The following CCSER2 variants were observed in gnomAD, a reference collection of about 807,000 sequenced individuals.
CCSER2 encodes serine-rich coiled-coil domain-containing protein 2.
A neutral mutation model predicts 92.3 loss-of-function variants in CCSER2; 46 were observed. The observed-to-expected ratio is 0.50, with a 90% CI of 0.39 to 0.64. The LOEUF is 0.64. Ranked by LOEUF, CCSER2 falls within the 30% of genes least tolerant of loss-of-function variation. The pLI, the probability that CCSER2 is intolerant of heterozygous loss-of-function variation, is 0.00. For synonymous variants in CCSER2, 433 were observed against 431.4 expected (o/e 1.00, Z -0.04); for missense variants, 1,244 against 1,238.9 (o/e 1.00, Z -0.06).
chr10:84,366,532 A>G (rs1845784438), intron 1 of CCSER2, among the ~76,000 whole-genome samples: 1 of 152,184 alleles, frequency 6.6e-6, no homozygotes, highest in Non-Finnish European at 1.5e-5. Context: ...TGTGAAGAGA[A>G]TAGAGAATGA....
At chr10:84,329,056 C>G (rs1432004553) in intron 1 of CCSER2, among the ~76,000 whole-genome samples, 1 of 151,880 alleles carries the variant, frequency 6.6e-6, no homozygotes, top group South Asian at 2.1e-4. Flanking sequence ...CGCGGGGCCT[C>G]GGGCCGCGGG....
Position 84,373,725 on chromosome 10 carries a change from T to C in CCSER2, c.1524T>C (p.Asp508=). 3 of 1,613,790 alleles carry C rather than the reference T, an allele frequency of 1.9e-6. No homozygotes were observed. Among genetic ancestry groups the C allele is most frequent in the African/African-American group, 2.7e-5 (2 of 75,016 alleles). ...AACTCTCTCCATCTGATAGCTCTGA[T>C]GGAACATACATGTGGGATGAAGAAG... is the stretch of plus-strand genomic sequence containing the variant. ...SFELSPSDSS[D]GTYMWDEEGL... Residue 508 remains aspartate (D), a synonymous_variant, in exon 3 of 10, where the codon GAT becomes GAC. Coordinates refer to ENST00000372088, the MANE Select transcript of CCSER2 (RefSeq NM_001284240.2).
At chr10:84,467,165 C>A (rs1846495224) in intron 7 of CCSER2, among the ~76,000 whole-genome samples, 1 of 152,124 alleles carries the variant, frequency 6.6e-6, no homozygotes. Flanking sequence ...TTGACATGAC[C>A]TTTGTTTTAA....
At chr10:84,392,996 T>C (rs1431317770) in intron 3 of CCSER2, among the ~76,000 whole-genome samples, 2 of 152,146 alleles carry the variant, frequency 1.3e-5, no homozygotes, top group African/African-American at 2.4e-5. Flanking sequence ...TTGCATCACA[T>C]AGAGTGAGAC....
At chr10:84,378,439 T>G (rs1589487441) in intron 3 of CCSER2, among the ~76,000 whole-genome samples, 1 of 147,632 alleles carries the variant, frequency 6.8e-6, no homozygotes, top group South Asian at 2.1e-4. Flanking sequence ...TAAATTTTTT[T>G]TTTTTTTTTT....
At chr10:84,376,509 C>CATTAAT (rs1846345690) in intron 3 of CCSER2, among the ~76,000 whole-genome samples, 1 of 152,002 alleles carries the variant, frequency 6.6e-6, no homozygotes, top group Non-Finnish European at 1.5e-5. Context: ...AGCTTCTTTT[C>CATTAAT]ATTAATATTA....
intron 9 of CCSER2, among the ~76,000 whole-genome samples, chr10:84,498,245 T>C (rs532463089): frequency 1.1e-4 from 16 of 152,358 alleles, no homozygotes; most frequent in Non-Finnish European, 2.1e-4. Context: ...AGTATAAATA[T>C]AGCCTTTGAA....
chr10:84,517,960 T>G lies in CCSER2; in HGVS notation c.*3693T>G, dbSNP rs1849651462. On this transcript the variant is annotated 3_prime_UTR_variant, in exon 10 of 10. Coordinates refer to ENST00000372088, the MANE Select transcript of CCSER2 (RefSeq NM_001284240.2). ...GCTGCAGCACCATTTCAATTTACTT[T>G]CCATCTTACCCAGTAGTTTTTGTGT... is the stretch of plus-strand genomic sequence containing the variant. The G allele has an allele frequency of 6.6e-6, 1 of 152,288 alleles. No individual in the cohort carries two copies. The highest frequency in any genetic ancestry group is 1.9e-4 in the East Asian group (1 of 5,204). The allele number at this position is 152,288 out of a possible 1,614,324, so 9.4% of individuals were successfully genotyped here.
At chr10:84,483,039 A>G (rs1185303173) in intron 9 of CCSER2, among the ~76,000 whole-genome samples, 1 of 152,236 alleles carries the variant, frequency 6.6e-6, no homozygotes, top group Non-Finnish European at 1.5e-5. Context: ...ATGTTACGGT[A>G]TATATAAAAG....
At chr10:84,438,757 G>T in intron 6 of CCSER2, 50 bp downstream of exon 6, 4 of 1,164,702 alleles carry the variant, frequency 3.4e-6, no homozygotes, top group Non-Finnish European at 3.6e-6. Flanking sequence ...ATTGCAAAAT[G>T]GATTGACTTT....
intron 1 of CCSER2, among the ~76,000 whole-genome samples, chr10:84,330,336 G>C (rs1843492807): frequency 6.6e-6 from 1 of 152,146 alleles, no homozygotes; most frequent in African/African-American, 2.4e-5. Context: ...GTTCTTTGTT[G>C]AGAATTCTCT....
intron 1 of CCSER2, among the ~76,000 whole-genome samples, chr10:84,362,493 G>T (rs1218566383): frequency 6.6e-6 from 1 of 152,116 alleles, no homozygotes; most frequent in Non-Finnish European, 1.5e-5. Context: ...GGAACTTCTG[G>T]TTCCTCTTGT....
At chr10:84,423,910 G>A (rs959554908) in intron 4 of CCSER2, among the ~76,000 whole-genome samples, 2 of 150,188 alleles carry the variant, frequency 1.3e-5, no homozygotes, top group South Asian at 2.1e-4. Context: ...ACTTTGGGAA[G>A]CTGAGGTGGA....
At chr10:84,485,221 T>G (rs757292929) in intron 9 of CCSER2, among the ~76,000 whole-genome samples, 19 of 152,228 alleles carry the variant, frequency 1.2e-4, no homozygotes, top group Non-Finnish European at 2.1e-4. Context: ...AGTGATGGTG[T>G]GTGTGCACGC....
chr10:84,366,807 A>T (rs1313570804), intron 1 of CCSER2, among the ~76,000 whole-genome samples: 1 of 152,194 alleles, frequency 6.6e-6, no homozygotes, highest in Non-Finnish European at 1.5e-5. Flanking sequence ...CAGTAGAATG[A>T]CGTGATCCAG....
intron 3 of CCSER2, among the ~76,000 whole-genome samples, chr10:84,396,856 T>C (rs1841870556): frequency 6.6e-6 from 1 of 152,176 alleles, no homozygotes; most frequent in Non-Finnish European, 1.5e-5. Context: ...CTTATTCTTT[T>C]TGTACCGCTG....
intron 9 of CCSER2, among the ~76,000 whole-genome samples, chr10:84,482,098 A>G (rs1370216533): frequency 6.6e-6 from 1 of 152,182 alleles, no homozygotes; most frequent in Non-Finnish European, 1.5e-5. Flanking sequence ...AACAATAAGT[A>G]AAGGGCAAGT....
At chr10:84,398,174 A>G (rs1227484120) in intron 3 of CCSER2, among the ~76,000 whole-genome samples, 1 of 152,142 alleles carries the variant, frequency 6.6e-6, no homozygotes, top group East Asian at 1.9e-4. Context: ...TCCACCTTCT[A>G]AAAACTGCCT....
intron 1 of CCSER2, among the ~76,000 whole-genome samples, chr10:84,338,367 A>G (rs1246737405): frequency 6.6e-6 from 1 of 151,916 alleles, no homozygotes; most frequent in Admixed American, 6.6e-5. Context: ...AAGGAAAAGC[A>G]GCTTCTTTTG....
Sources: gnomAD v4.1 joint callset for allele counts (sites outside exome capture counted in the v4.1 genomes callset) on GRCh38, gnomAD v4.1.1 for gene constraint, MANE v1.5 for transcripts, NCBI Gene and HGNC (gene_info 2026-07-23, HGNC 2026-07-21) for gene names.